The following RPTOR variants were observed in gnomAD, a reference collection of about 807,000 sequenced individuals.
RPTOR encodes regulatory associated protein of MTOR complex 1, also known as regulatory-associated protein of mTOR.
In RPTOR, 21 loss-of-function variants were observed where a neutral mutation model predicts 169.9. That is an observed-to-expected ratio of 0.12 (90% CI 0.09 to 0.18). The LOEUF is 0.18. Ranked by LOEUF, RPTOR falls within the 10% of genes least tolerant of loss-of-function variation. The probability of loss-of-function intolerance (pLI) is 1.00; values close to 1 mark genes in which losing one functional copy is unlikely to be tolerated. For missense variants in RPTOR, 1,133 were observed against 1,855.9 expected (o/e 0.61, Z 7.16); for synonymous variants, 732 against 753.2 (o/e 0.97, Z 0.46).
chr17:80,677,351 G>T (rs998739978), intron 3 of RPTOR, among the ~76,000 whole-genome samples: 10 of 152,150 alleles, frequency 6.6e-5, no homozygotes, highest in Non-Finnish European at 1.2e-4. Context: ...CTTGGCACTT[G>T]CTCTCCACTC....
At chr17:80,882,868 G>A (rs1373929720) in intron 14 of RPTOR, among the ~76,000 whole-genome samples, 1 of 152,210 alleles carries the variant, frequency 6.6e-6, no homozygotes, top group Non-Finnish European at 1.5e-5. Flanking sequence ...TAGGACACTA[G>A]ACCGCGCGAC....
chr17:80,847,376 A>G (rs1460580148), intron 11 of RPTOR, among the ~76,000 whole-genome samples: 1 of 152,238 alleles, frequency 6.6e-6, no homozygotes, highest in Non-Finnish European at 1.5e-5. Context: ...GAAGTTAGAA[A>G]GATTCCACAG....
chr17:80,940,738 G>A lies in RPTOR; in HGVS notation c.3025+137G>A, dbSNP rs17848660. ...CACTGTCCCACGACAGACCCGCCCC[G>A]CACCCCACCTCCCTTGCAGATAAGC... On this transcript the variant is annotated intron_variant, in intron 25 of 33. Coordinates refer to ENST00000306801, the MANE Select transcript of RPTOR (RefSeq NM_020761.3). 655 of 628,856 alleles carry A rather than the reference G, an allele frequency of 1.0e-3. 6 individuals carry two copies. The East Asian group carries it at 0.018, about 17-fold the overall frequency. 39.0% of individuals were successfully genotyped at this position (628,856 alleles called of 1,614,324 possible).
chr17:80,579,636 A>G (rs545688403), intron 1 of RPTOR, among the ~76,000 whole-genome samples: 170 of 152,336 alleles, frequency 1.1e-3, no homozygotes, highest in African/African-American at 3.7e-3. Flanking sequence ...CCTTATGTCC[A>G]CATCACTGTG....
At position 80,845,994 on chromosome 17, in the gene RPTOR, C is replaced by A. The variant is rs1377367025; in HGVS notation, c.1213-479C>A. 6.6e-6 allele frequency among the ~76,000 whole-genome samples: 1 copy of A among 152,056 alleles called. No homozygotes were observed. Among genetic ancestry groups the A allele is most frequent in the Non-Finnish European group, 1.5e-5 (1 of 68,006 alleles). ...GGCCCCAGCTCATCTCCTTGGTCTC[C>A]ATAGCAGAGGCTCTGTCCTGGGCCC... is the stretch of plus-strand genomic sequence containing the variant. On this transcript the variant is annotated intron_variant, in intron 10 of 33. Transcript: ENST00000306801. The surrounding 1 kb of genome is among the most constrained non-coding windows in gnomAD (Gnocchi z 5.4).
chr17:80,913,899 G>T (rs1267981875), intron 21 of RPTOR, among the ~76,000 whole-genome samples: 1 of 152,216 alleles, frequency 6.6e-6, no homozygotes. Flanking sequence ...CAAGCCACAG[G>T]TGGTCACCTG....
chr17:80,947,179 G>A lies in RPTOR; in HGVS notation c.3141-48G>A. 6.6e-7 allele frequency: 1 copy of A among 1,514,170 alleles called. No individual in the cohort carries two copies. Among genetic ancestry groups the A allele is most frequent in the Non-Finnish European group, 8.8e-7 (1 of 1,132,464 alleles). 93.8% of individuals were successfully genotyped at this position (1,514,170 alleles called of 1,614,324 possible). A position where few individuals can be genotyped will look rare whatever the true frequency, so the allele number is the denominator to read the frequency against. On this transcript the variant is annotated intron_variant, in intron 26 of 33. Transcript: ENST00000306801. This position sits in a 1 kb window ranked among gnomAD's most constrained non-coding sequence, Gnocchi z 4.4. ...CAGGAGGTATCTCACTGTCATTTGG[G>A]TTTGCAGTTTCCTAATGACTTTTTT...
intron 3 of RPTOR, among the ~76,000 whole-genome samples, chr17:80,685,617 ATATATATATATTTTTTTTTTT>A (rs2065935457): frequency 1.6e-4 from 2 of 12,230 alleles, no homozygotes; most frequent in African/African-American, 2.6e-4. Flanking sequence ...ATATATATAT[ATATATATATATTTTTTTTTTT>A]TTTTTTTTTT....
chr17:80,663,633 G>C (rs1036934596), intron 3 of RPTOR, among the ~76,000 whole-genome samples: 1 of 152,156 alleles, frequency 6.6e-6, no homozygotes, highest in Non-Finnish European at 1.5e-5. Flanking sequence ...GAGTGTGCAC[G>C]TGGATCTATT....
chr17:80,957,388 G>A lies in RPTOR; in HGVS notation c.3371-236G>A, dbSNP rs73359509. On this transcript the variant is annotated intron_variant, in intron 28 of 33. Transcript: ENST00000306801. This position sits in a 1 kb window ranked among gnomAD's most constrained non-coding sequence, Gnocchi z 4.6. Reference sequence around the variant, plus strand: ...GACTTGGGAGTTCCAGCTCAGAATTGTCATCCCGGCCCGGACTTGGGAGTT... The same window carrying A: ...GACTTGGGAGTTCCAGCTCAGAATTATCATCCCGGCCCGGACTTGGGAGTT... Among the ~76,000 whole-genome samples, 10,026 of 151,658 alleles carry A rather than the reference G, an allele frequency of 0.066. 1,099 individuals carry two copies. Among genetic ancestry groups the A allele is most frequent in the African/African-American group, 0.22 (9,210 of 41,018 alleles).
rs2067824104 is a variant in RPTOR at position 80,853,947 on chromosome 17, C to T, written c.1315-1517C>T. ...AGTGAGCCGAGATTGCGCCACTGCA[C>T]TCCAGCCTGGGCGACCGAGTGAGAC... On this transcript the variant is annotated intron_variant, in intron 11 of 33. Transcript: ENST00000306801. Among the ~76,000 whole-genome samples, 4 of 151,666 alleles carry T rather than the reference C, an allele frequency of 2.6e-5. No homozygotes were observed. The South Asian group carries it at 6.3e-4, about 24-fold the overall frequency.
intron 1 of RPTOR, among the ~76,000 whole-genome samples, chr17:80,611,128 G>A (rs1296541469): frequency 6.6e-6 from 1 of 152,150 alleles, no homozygotes; most frequent in African/African-American, 2.4e-5. Context: ...TGGAAGACCT[G>A]AAAGAATGGT....
chr17:80,595,702 C>T (rs2065139753), intron 1 of RPTOR, among the ~76,000 whole-genome samples: 1 of 152,228 alleles, frequency 6.6e-6, no homozygotes. Context: ...AGCAATCCTC[C>T]AACTTCGGCC....
intron 3 of RPTOR, among the ~76,000 whole-genome samples, chr17:80,655,291 G>A (rs1183039911): frequency 6.6e-6 from 1 of 152,152 alleles, no homozygotes; most frequent in African/African-American, 2.4e-5. Context: ...TCACTATGTT[G>A]GCCAGGCTGG....
intron 28 of RPTOR, among the ~76,000 whole-genome samples, chr17:80,952,992 G>A (rs2069202042): frequency 6.6e-6 from 1 of 150,860 alleles, no homozygotes; most frequent in South Asian, 2.1e-4. Flanking sequence ...AGCCTCCCAA[G>A]TAGCTGGGAC....
At chr17:80,603,268 C>T (rs758179506) in intron 1 of RPTOR, among the ~76,000 whole-genome samples, 40 of 152,106 alleles carry the variant, frequency 2.6e-4, no homozygotes, top group Non-Finnish European at 5.4e-4. Flanking sequence ...ATCAAGAAAC[C>T]GCTAAAGCAG....
In RPTOR at chr17:80,842,077, T is replaced by G. The variant is rs1016921201; in HGVS notation, c.1212+4080T>G. Among the ~76,000 whole-genome samples the G allele has an allele frequency of 2.0e-5, 3 of 152,304 alleles. No individual in the cohort carries two copies. In the South Asian group the frequency reaches 6.2e-4, roughly 32 times the overall value. The stretch of plus-strand genomic sequence containing the variant: ...ACACTCACGGCGCTGCAGCTCACAT[T>G]CATTGCAAGGTGGACACCATTGAGT... On this transcript the variant is annotated intron_variant, in intron 10 of 33. Transcript: ENST00000306801.
rs561809292 is a variant in RPTOR at position 80,665,348 on chromosome 17, C to T, written c.348+21538C>T. On this transcript the variant is annotated intron_variant, in intron 3 of 33. Coordinates refer to ENST00000306801, the MANE Select transcript of RPTOR (RefSeq NM_020761.3). Reference sequence around the variant, plus strand: ...TTTCTTTTCCCTTTCCTTTCCTTTCCTTTCCTTTCCTTTCCTTTCCTTTCC... The same window carrying T: ...TTTCTTTTCCCTTTCCTTTCCTTTCTTTTCCTTTCCTTTCCTTTCCTTTCC... 1.5e-3 allele frequency among the ~76,000 whole-genome samples: 8 copies of T among 5,184 alleles called. No individual in the cohort carries two copies. In the African/African-American group the frequency reaches 0.02, roughly 13 times the overall value. The allele number at this position is 5,184 out of a possible 152,430, so 3.4% of individuals were successfully genotyped here.
intron 13 of RPTOR, among the ~76,000 whole-genome samples, chr17:80,864,599 G>C (rs1054883129): frequency 5.3e-5 from 8 of 151,752 alleles, no homozygotes; most frequent in African/African-American, 1.9e-4. Context: ...ACATACAAAA[G>C]ATGAAAGCTT....
Sources: gnomAD v4.1 joint callset for allele counts (sites outside exome capture counted in the v4.1 genomes callset) on GRCh38, gnomAD v4.1.1 for gene constraint, Gnocchi (gnomAD v3.1) non-coding constraint, MANE v1.5 for transcripts, NCBI Gene and HGNC (gene_info 2026-07-23, HGNC 2026-07-21) for gene names.